The following PARN variants were observed in gnomAD, a reference collection of about 807,000 sequenced individuals.
The protein encoded by PARN is poly(A)-specific ribonuclease, also known as poly(A)-specific ribonuclease PARN.
Under a neutral mutation model 102.8 loss-of-function variants are expected in PARN, and 71 were observed. The ratio of observed to expected loss-of-function variants is 0.69; its 90% CI spans 0.57 to 0.84. The LOEUF is 0.84. Ranked by LOEUF, PARN falls within the 40% of genes least tolerant of loss-of-function variation. The pLI is 0.00. For missense variants in PARN, 782 were observed against 760.9 expected (o/e 1.03, Z -0.33); for synonymous variants, 261 against 252.9 (o/e 1.03, Z -0.30).
chr16:14,562,514 G>A (rs1261253055), intron 18 of PARN, among the ~76,000 whole-genome samples: 3 of 147,694 alleles, frequency 2.0e-5, no homozygotes, highest in Non-Finnish European at 3.0e-5. Context: ...TCAAAATCCA[G>A]AAGGCAGTAA....
Position 14,584,807 on chromosome 16 carries a change from A to T in PARN, c.963-16T>A. 1 of 1,450,306 alleles carries T rather than the reference A, an allele frequency of 6.9e-7. No individual in the cohort carries two copies. The highest frequency in any genetic ancestry group is 9.4e-7 in the Non-Finnish European group (1 of 1,063,106). The allele number at this position is 1,450,306 out of a possible 1,614,324, so 89.8% of individuals were successfully genotyped here. A position where few individuals can be genotyped will look rare whatever the true frequency, so the allele number is the denominator to read the frequency against. ...ATCCAAGAGTCTAAAAAGAATTTTT[A>T]ACAAGGTAAACAAAATGTATATCAA... On this transcript the variant is annotated splice_polypyrimidine_tract_variant and intron_variant, in intron 14 of 23. Transcript: ENST00000437198.
chr16:14,561,366 C>T (rs891474654), intron 18 of PARN, among the ~76,000 whole-genome samples: 1 of 152,164 alleles, frequency 6.6e-6, no homozygotes, highest in Middle Eastern at 3.2e-3. Context: ...CCATCCAAGA[C>T]TCCTGACTCA....
chr16:14,492,110 T>C (rs950378609), intron 21 of PARN, among the ~76,000 whole-genome samples: 1 of 152,202 alleles, frequency 6.6e-6, no homozygotes, highest in Non-Finnish European at 1.5e-5. Flanking sequence ...CTTCCTTTCA[T>C]ATCGTGGGTG....
At chr16:14,487,007 G>A (rs1310886205) in intron 21 of PARN, among the ~76,000 whole-genome samples, 1 of 152,186 alleles carries the variant, frequency 6.6e-6, no homozygotes, top group Non-Finnish European at 1.5e-5. Flanking sequence ...CAAACACTCC[G>A]GCTTCACTGT....
intron 18 of PARN, among the ~76,000 whole-genome samples, chr16:14,559,439 AGTAGATGTATATATTT>A (rs779465960): frequency 4.0e-5 from 6 of 151,870 alleles, no homozygotes; most frequent in Non-Finnish European, 8.8e-5. Context: ...ATGAGTATAC[AGTAGATGTATATATTT>A]GTAGGGTACG....
intron 22 of PARN, among the ~76,000 whole-genome samples, chr16:14,474,844 T>C (rs144066996): frequency 3.3e-5 from 5 of 152,324 alleles, no homozygotes; most frequent in African/African-American, 1.2e-4. Flanking sequence ...TATGAATAAA[T>C]GTGTAAGCAC....
intron 21 of PARN, among the ~76,000 whole-genome samples, chr16:14,546,302 T>C (rs1039484042): frequency 2.0e-5 from 3 of 152,210 alleles, no homozygotes; most frequent in African/African-American, 7.2e-5. Context: ...AAAAACACAA[T>C]TTAACATAAG....
At chr16:14,613,652 C>CT (rs2151801804) in intron 6 of PARN, among the ~76,000 whole-genome samples, 1 of 152,142 alleles carries the variant, frequency 6.6e-6, no homozygotes, top group Non-Finnish European at 1.5e-5. Flanking sequence ...CCATGGGACA[C>CT]TAAGGAATTT....
intron 5 of PARN, among the ~76,000 whole-genome samples, chr16:14,624,757 A>T (rs537313855): frequency 6.6e-6 from 1 of 152,278 alleles, no homozygotes; most frequent in South Asian, 2.1e-4. Flanking sequence ...CATCTCTACT[A>T]AAAATATAAA....
At chr16:14,564,199 T>C (rs149287877) in intron 18 of PARN, among the ~76,000 whole-genome samples, 25 of 152,320 alleles carry the variant, frequency 1.6e-4, no homozygotes, top group Non-Finnish European at 2.8e-4. Flanking sequence ...AGGGTTTTCA[T>C]CCTAAACCAC....
At position 14,584,400 on chromosome 16, in the gene PARN, AG is replaced by A; in HGVS notation, c.1027del (p.Ala344ArgfsTer7). Reference protein sequence around the residue: ...PFKDIINNTSLAELEKRLKET... With the variant: ...PFKDIINNTSXAELEKRLKET... ...TTTTAACCGCTTTTCCAATTCCGCA[AG>A]GGATGTGTTGTTAATGATATCCTGC... is the stretch of plus-strand genomic sequence containing the variant. On this transcript the variant is annotated frameshift_variant, in exon 16 of 24. Coordinates refer to ENST00000437198, the MANE Select transcript of PARN (RefSeq NM_002582.4). LOFTEE classifies it high-confidence loss of function. The A allele has an allele frequency of 6.2e-7, 1 of 1,613,358 alleles. No individual in the cohort carries two copies. Among genetic ancestry groups the A allele is most frequent in the Non-Finnish European group, 8.5e-7 (1 of 1,179,472 alleles).
rs116644581 is a variant in PARN at position 14,550,464 on chromosome 16, T to C, written c.1480+1557A>G. Among the ~76,000 whole-genome samples the C allele has an allele frequency of 4.7e-3, 715 of 152,262 alleles. 9 individuals carry two copies. Among genetic ancestry groups the C allele is most frequent in the African/African-American group, 0.016 (676 of 41,554 alleles). Reference sequence around the variant, plus strand: ...AATAACACTAAAGTCCATACTATTATGCGCAGTTTACAGAGATAAGCAGAA... The same window carrying C: ...AATAACACTAAAGTCCATACTATTACGCGCAGTTTACAGAGATAAGCAGAA... On this transcript the variant is annotated intron_variant, in intron 21 of 23. Transcript: ENST00000437198.
At chr16:14,456,903 G>T (rs924161676) in intron 22 of PARN, among the ~76,000 whole-genome samples, 2 of 152,050 alleles carry the variant, frequency 1.3e-5, no homozygotes, top group South Asian at 2.1e-4. Context: ...CCTCCTACTC[G>T]CCTCTGCCTT....
At chr16:14,462,330 T>C (rs1382964653) in intron 22 of PARN, among the ~76,000 whole-genome samples, 1 of 150,386 alleles carries the variant, frequency 6.6e-6, no homozygotes, top group Admixed American at 6.6e-5. Flanking sequence ...AATGAACAAA[T>C]AGATGAAAGA....
chr16:14,508,903 A>AAT (rs146075087), intron 21 of PARN, among the ~76,000 whole-genome samples: 13,614 of 149,038 alleles, frequency 0.091, 858 homozygotes, highest in Non-Finnish European at 0.14. Context: ...CTTAATTTAA[A>AAT]ATATATATAT....
At chr16:14,495,561 A>T (rs1964273740) in intron 21 of PARN, among the ~76,000 whole-genome samples, 1 of 152,240 alleles carries the variant, frequency 6.6e-6, no homozygotes. Flanking sequence ...GAGGGTCTTC[A>T]GTAAGAACAG....
rs1408163407 is a variant in PARN at position 14,453,770 on chromosome 16, C to A, written c.1671-6689G>T. On this transcript the variant is annotated intron_variant, in intron 22 of 23. Transcript: ENST00000437198. ...AGTCACATGGCTGTTAGTATTAGTA[C>A]TTTATTTCATAGTATGGCTGGATCA... 2.0e-5 allele frequency among the ~76,000 whole-genome samples: 3 copies of A among 152,148 alleles called. No individual in the cohort carries two copies. In the East Asian group the frequency reaches 5.8e-4, roughly 29 times the overall value.
chr16:14,607,302 G>A (rs1054351993), intron 9 of PARN, among the ~76,000 whole-genome samples: 2 of 151,998 alleles, frequency 1.3e-5, no homozygotes, highest in African/African-American at 2.4e-5. Flanking sequence ...CTGCCTCCAG[G>A]GTTCAAGAGA....
At chr16:14,524,591 T>G (rs1965899742) in intron 21 of PARN, among the ~76,000 whole-genome samples, 2 of 152,150 alleles carry the variant, frequency 1.3e-5, no homozygotes, top group South Asian at 4.1e-4. Context: ...CTACTGATAA[T>G]TTAAAGGAAA....
Sources: gnomAD v4.1 joint callset for allele counts (sites outside exome capture counted in the v4.1 genomes callset) on GRCh38, gnomAD v4.1.1 for gene constraint, MANE v1.5 for transcripts, NCBI Gene and HGNC (gene_info 2026-07-23, HGNC 2026-07-21) for gene names.